ARHGEF18: variants seen among roughly 807,000 people sequenced by gnomAD.
ARHGEF18 encodes rho guanine nucleotide exchange factor 18.
In ARHGEF18, 93 loss-of-function variants were observed where a neutral mutation model predicts 155.7. The observed-to-expected ratio is 0.60, with a 90% confidence interval of 0.50 to 0.71. The LOEUF is 0.71. Among genes scored for constraint, ARHGEF18 ranks in the 30% least tolerant of loss-of-function variants. ARHGEF18 has a pLI of 0.00. For missense variants in ARHGEF18, 1,593 were observed against 1,816.1 expected (o/e 0.88, Z 2.23); for synonymous variants, 742 against 753.1 (o/e 0.99, Z 0.24).
At chr19:7,353,213 C>A (rs967650967) in intron 1 of ARHGEF18, among the ~76,000 whole-genome samples, 1 of 151,836 alleles carries the variant, frequency 6.6e-6, no homozygotes, top group Non-Finnish European at 1.5e-5. Context: ...GGTGGTTTTT[C>A]ACTCTTCCAA....
At chr19:7,380,479 A>C (rs79596818) in intron 7 of ARHGEF18, among the ~76,000 whole-genome samples, 5 of 69,168 alleles carry the variant, frequency 7.2e-5, no homozygotes, top group Admixed American at 4.2e-4. Context: ...ACTCCATCTC[A>C]AAAAAAAAAA....
intron 10 of ARHGEF18, among the ~76,000 whole-genome samples, chr19:7,408,475 G>A (rs563434538): frequency 1.6e-4 from 24 of 152,182 alleles, no homozygotes; most frequent in Non-Finnish European, 3.1e-4. Flanking sequence ...TACAGTAGAC[G>A]CATCATTTTT....
intron 10 of ARHGEF18, chr19:7,390,625 A>G (rs1971350022): frequency 2.0e-5 from 3 of 152,184 alleles, no homozygotes; most frequent in African/African-American, 7.2e-5. Flanking sequence ...TATCATCATC[A>G]TCATCCTCTT....
intron 10 of ARHGEF18, among the ~76,000 whole-genome samples, chr19:7,386,409 C>T (rs929771802): frequency 2.6e-5 from 4 of 151,956 alleles, no homozygotes; most frequent in Admixed American, 6.6e-5. Context: ...GTGGCAGGAG[C>T]GCCTCTAGCT....
At chr19:7,362,019 GA>G (rs1969586924) in intron 1 of ARHGEF18, among the ~76,000 whole-genome samples, 2 of 36,202 alleles carry the variant, frequency 5.5e-5, no homozygotes, top group Non-Finnish European at 9.9e-5. Context: ...AGAAGAAGGA[GA>G]AGGAGAAGGA....
Position 7,444,206 on chromosome 19 carries a change from C to T in ARHGEF18, c.1363C>T (p.Leu455=). 1 of 1,612,622 alleles carries T rather than the reference C, an allele frequency of 6.2e-7. No homozygotes were observed. Among genetic ancestry groups the T allele is most frequent in the Non-Finnish European group, 8.5e-7 (1 of 1,179,488 alleles). Residue 455 remains leucine, a splice_region_variant and synonymous_variant, in exon 14 of 29, where the codon CTG becomes TTG. Transcript: ENST00000668164. The surrounding 1 kb of genome is among the most constrained non-coding windows in gnomAD (Gnocchi z 4.7). ...TCCTGCCGTCTGTGTCCCTGCAGAG[C>T]TGATGCAGACAGAGGTGCACCACGT... ...VVKRQDVLYE[L]MQTEVHHVRT... is the part of the protein sequence containing the mutation.
intron 10 of ARHGEF18, among the ~76,000 whole-genome samples, chr19:7,410,362 A>G (rs1315997974): frequency 1.3e-5 from 2 of 151,898 alleles, no homozygotes; most frequent in Non-Finnish European, 2.9e-5. Context: ...TATTTCCCAC[A>G]TTAAAATTGT....
chr19:7,375,437 A>AGGAAGG, intron 3 of ARHGEF18, among the ~76,000 whole-genome samples: 1 of 151,332 alleles, frequency 6.6e-6, no homozygotes, highest in Admixed American at 6.6e-5. Flanking sequence ...GGAAGGAAGA[A>AGGAAGG]AAGAAAAGAA....
intron 13 of ARHGEF18, 72 bp downstream of exon 13, chr19:7,442,124 C>CCCTCCCTTCCTT (rs1204733378): frequency 1.8e-6 from 2 of 1,129,722 alleles, no homozygotes; most frequent in Non-Finnish European, 2.6e-6. Context: ...CTTCCTCCCT[C>CCCTCCCTTCCTT]CCTTCCTTCC....
At chr19:7,381,268 A>G (rs1224725611) in intron 8 of ARHGEF18, among the ~76,000 whole-genome samples, 1 of 152,164 alleles carries the variant, frequency 6.6e-6, no homozygotes, top group Non-Finnish European at 1.5e-5. Context: ...GGAAAAAAAA[A>G]GAAACTAGAA....
chr19:7,441,151 C>G (rs1974616301), intron 11 of ARHGEF18, among the ~76,000 whole-genome samples: 1 of 146,578 alleles, frequency 6.8e-6, no homozygotes, highest in Non-Finnish European at 1.5e-5. Context: ...GTGACATTGA[C>G]AGATAATCTT....
intron 7 of ARHGEF18, among the ~76,000 whole-genome samples, chr19:7,380,217 A>G (rs761400838): frequency 5.6e-4 from 85 of 150,676 alleles, no homozygotes; most frequent in East Asian, 1.2e-3. Context: ...AGTGGCTCAC[A>G]CCTGTAATCC....
At chr19:7,439,658 C>A in intron 10 of ARHGEF18, 3 of 1,169,424 alleles carry the variant, frequency 2.6e-6, no homozygotes, top group Non-Finnish European at 3.2e-6. Flanking sequence ...TGCTAGAATT[C>A]TGTTCGAGTG....
Position 7,447,108 on chromosome 19 carries a change from A to T in ARHGEF18, c.1677A>T (p.Glu559Asp). ...KYGVFCSGHNEAVSHYKLLLQ... is the reference protein window; with the variant it reads ...KYGVFCSGHNDAVSHYKLLLQ... ...GTGTGTTTTGTAGTGGCCACAATGA[A>T]GCTGTTAGTCATTACAAGTTGCTGC... The change falls in exon 15 of 29, where the codon GAA (glutamate) becomes GAT (aspartate). Residue 559 changes from glutamate to aspartate, a missense_variant. Glu to Asp is a conservative substitution (Grantham distance 45, BLOSUM62 2). Transcript: ENST00000668164. 6.2e-7 allele frequency: 1 copy of T among 1,613,924 alleles called. No individual in the cohort carries two copies. The highest frequency in any genetic ancestry group is 1.1e-5 in the South Asian group (1 of 91,050).
chr19:7,368,769 G>C (rs956652062), intron 2 of ARHGEF18, among the ~76,000 whole-genome samples: 4 of 152,174 alleles, frequency 2.6e-5, no homozygotes, highest in African/African-American at 9.7e-5. Context: ...CCAGGCACTG[G>C]GGGTAGGAAT....
At chr19:7,404,115 G>A (rs1972167762) in intron 10 of ARHGEF18, among the ~76,000 whole-genome samples, 1 of 152,082 alleles carries the variant, frequency 6.6e-6, no homozygotes, top group South Asian at 2.1e-4. Context: ...AGAGTGCTGG[G>A]ATTAGAGGTG....
At chr19:7,400,171 T>C (rs1463991587) in intron 10 of ARHGEF18, among the ~76,000 whole-genome samples, 1 of 152,180 alleles carries the variant, frequency 6.6e-6, no homozygotes, top group Non-Finnish European at 1.5e-5. Flanking sequence ...TGGTTACATT[T>C]TTAATTCACG....
Position 7,467,475 on chromosome 19 carries a change from C to A in ARHGEF18, c.3271C>A (p.Arg1091Ser). The change falls in exon 26 of 29, where the codon CGC (arginine) becomes AGC (serine). Residue 1091 changes from arginine to serine, a missense_variant. Transcript: ENST00000668164. ...GCGTGCGGGCGCGCGGCTGCAGGAG[C>A]GCGAGGGCGAGGCGCGGCAGCTACG... ...LERAGARLQE[R>S]EGEARQLRER... The A allele has an allele frequency of 6.8e-7, 1 of 1,471,374 alleles. No homozygotes were observed. The highest frequency in any genetic ancestry group is 8.9e-7 in the Non-Finnish European group (1 of 1,121,762). 91.1% of individuals were successfully genotyped at this position (1,471,374 alleles called of 1,614,324 possible).
intron 10 of ARHGEF18, among the ~76,000 whole-genome samples, chr19:7,403,417 C>G (rs1232625614): frequency 2.0e-5 from 3 of 152,168 alleles, no homozygotes; most frequent in Non-Finnish European, 4.4e-5. Context: ...TCTGTCTATT[C>G]TAGACTTTTC....
Sources: gnomAD v4.1 joint callset for allele counts (sites outside exome capture counted in the v4.1 genomes callset) on GRCh38, gnomAD v4.1.1 for gene constraint, Gnocchi (gnomAD v3.1) non-coding constraint, MANE v1.5 for transcripts, NCBI Gene and HGNC (gene_info 2026-07-23, HGNC 2026-07-21) for gene names.